Variants in DEAF1 observed in about 807,000 individuals in gnomAD.
DEAF1 encodes DEAF1 transcription factor, also known as deformed epidermal autoregulatory factor 1 homolog.
Under a neutral mutation model 58.9 loss-of-function variants are expected in DEAF1, and 53 were observed. That is an observed-to-expected ratio of 0.90 (90% confidence interval 0.72 to 1.13). The LOEUF is 1.13. Ranked by LOEUF, DEAF1 falls within the 50% of genes most tolerant of loss-of-function variation. The pLI, the probability that DEAF1 is intolerant of heterozygous loss-of-function variation, is 0.00. For missense variants in DEAF1, 685 were observed against 791.4 expected (o/e 0.87, Z 1.61); for synonymous variants, 385 against 340.4 (o/e 1.13, Z -1.44).
intron 1 of DEAF1, among the ~76,000 whole-genome samples, chr11:693,229 C>T (rs940031883): frequency 2.6e-5 from 4 of 152,200 alleles, no homozygotes; most frequent in African/African-American, 7.2e-5. Context: ...CAGAAAAATA[C>T]GTGCAAAAAT....
At chr11:698,801 G>C (rs1861313926), upstream of DEAF1, 1 of 1,585,734 alleles carries the variant, frequency 6.3e-7, no homozygotes, top group East Asian at 2.2e-5. Context: ...TCCTGTCAGT[G>C]TGGAGCGAGA....
At chr11:667,369 G>GAGGGAGGA (rs1859591063) in intron 10 of DEAF1, among the ~76,000 whole-genome samples, 1 of 123,886 alleles carries the variant, frequency 8.1e-6, no homozygotes, top group African/African-American at 3.4e-5. Flanking sequence ...GGGAGGGAGG[G>GAGGGAGGA]AGGAAGGAAG....
intron 10 of DEAF1, among the ~76,000 whole-genome samples, chr11:672,803 G>A (rs1168581219): frequency 6.6e-6 from 1 of 152,036 alleles, no homozygotes; most frequent in Non-Finnish European, 1.5e-5. Flanking sequence ...AGCTGAGATT[G>A]TGCCATTGCA....
chr11:704,456 T>G, intron 1 of DEAF1: 1 of 1,289,288 alleles, frequency 7.8e-7, no homozygotes, highest in Non-Finnish European at 1.0e-6. Flanking sequence ...CACGGTGAGC[T>G]GCAGGACAGC....
At chr11:664,274 GAA>G (rs949080794) in intron 10 of DEAF1, among the ~76,000 whole-genome samples, 2 of 143,064 alleles carry the variant, frequency 1.4e-5, no homozygotes, top group Admixed American at 7.0e-5. Flanking sequence ...CCAGAGAAAA[GAA>G]AAAAAAAAAG....
At position 683,298 on chromosome 11, in the gene DEAF1, T is replaced by C. The variant is rs115963424; in HGVS notation, c.870+1600A>G. ...CCAATGTGTTTTCTCCTAAAAATGT[T>C]ATAGTTTCACCTTTCACTTTAGATC... On this transcript the variant is annotated intron_variant, in intron 6 of 11. Transcript: ENST00000382409. Among the ~76,000 whole-genome samples the C allele has an allele frequency of 8.4e-3, 1,279 of 152,336 alleles. 16 individuals are homozygous for C. The highest frequency in any genetic ancestry group is 0.029 in the African/African-American group (1,214 of 41,570).
Position 688,037 on chromosome 11 carries a change from G to C in DEAF1, c.538C>G (p.Pro180Ala). The C allele has an allele frequency of 6.2e-7, 1 of 1,614,022 alleles. No homozygotes were observed. The highest frequency in any genetic ancestry group is 8.5e-7 in the Non-Finnish European group (1 of 1,180,024). The change falls in exon 4 of 12, where the codon CCT becomes GCT. Residue 180 changes from proline to alanine, a missense_variant. Physicochemically the swap from Pro to Ala is conservative, Grantham distance 27. Around this residue, in one of 3 missense-constraint regions of DEAF1, gnomAD observed 132 missense variants for 234.3 expected, o/e 0.56. Coordinates refer to ENST00000382409, the MANE Select transcript of DEAF1 (RefSeq NM_021008.4). The surrounding 1 kb of genome is among the most constrained non-coding windows in gnomAD (Gnocchi z 4.3). ...LTPGPQSPPT[P>A]LAPGQEKGGT... ...CCTTTTTCTTGGCCGGGAGCCAGAGGGGTTGGAGGAGACTGAGGACCTTGG... is the reference window on the plus strand; with the variant it reads ...CCTTTTTCTTGGCCGGGAGCCAGAGCGGTTGGAGGAGACTGAGGACCTTGG...
chr11:695,746 C>G (rs1440132386), upstream of DEAF1: 1 of 1,239,772 alleles, frequency 8.1e-7, no homozygotes, highest in South Asian at 3.7e-5. Flanking sequence ...CGTCAGGAGA[C>G]GCGAAAATGG....
chr11:648,320 G>A lies in DEAF1; in HGVS notation c.1594-3666C>T, dbSNP rs188121818. ...TGCCATTCTCCTGCCTCAGCCTCCC[G>A]AGTACCTGGGACTACAGGCGCCCAC... On this transcript the variant is annotated intron_variant, in intron 11 of 11. Coordinates refer to ENST00000382409, the MANE Select transcript of DEAF1 (RefSeq NM_021008.4). 6.0e-5 allele frequency among the ~76,000 whole-genome samples: 9 copies of A among 149,956 alleles called. No individual in the cohort carries two copies. The East Asian group carries it at 1.4e-3, about 23-fold the overall frequency.
At chr11:663,547 C>T (rs1462417941) in intron 10 of DEAF1, among the ~76,000 whole-genome samples, 1 of 152,128 alleles carries the variant, frequency 6.6e-6, no homozygotes, top group Non-Finnish European at 1.5e-5. Context: ...GGCTTTTGGC[C>T]TTTCCTCCTC....
intron 1 of DEAF1, among the ~76,000 whole-genome samples, chr11:705,767 C>T (rs998794594): frequency 2.6e-5 from 4 of 152,312 alleles, no homozygotes; most frequent in East Asian, 1.9e-4. Flanking sequence ...CTCTGACCTC[C>T]CCAGGGCTGG....
At chr11:683,526 CG>C (rs1860461690) in intron 6 of DEAF1, among the ~76,000 whole-genome samples, 1 of 151,454 alleles carries the variant, frequency 6.6e-6, no homozygotes, top group African/African-American at 2.4e-5. Flanking sequence ...CTTAAGACCC[CG>C]CAATGTGATT....
intron 10 of DEAF1, among the ~76,000 whole-genome samples, chr11:662,098 AC>A (rs992661866): frequency 4.6e-5 from 7 of 152,074 alleles, no homozygotes; most frequent in African/African-American, 1.4e-4. Flanking sequence ...GGAGTTCAAG[AC>A]CAGCCTGGCC....
chr11:687,107 G>A, intron 4 of DEAF1, 110 bp from the exon 5 acceptor site: 13 of 1,517,718 alleles, frequency 8.6e-6, no homozygotes, highest in Non-Finnish European at 1.2e-5. Flanking sequence ...CGCCCCAGCG[G>A]CTCATGTGAT....
chr11:693,885 CAGG>C (rs905833700), intron 1 of DEAF1, among the ~76,000 whole-genome samples: 3 of 152,216 alleles, frequency 2.0e-5, no homozygotes, highest in Non-Finnish European at 2.9e-5. Context: ...GGAAGCGGGG[CAGG>C]AGGAGCAGGT....
intron 1 of DEAF1, chr11:704,133 T>C: frequency 8.9e-7 from 1 of 1,127,536 alleles, no homozygotes; most frequent in South Asian, 2.1e-5. Context: ...CCCTGAATTC[T>C]CCTAATTATG....
chr11:699,269 C>CTGGA (rs1861337970), upstream of DEAF1: 3 of 271,462 alleles, frequency 1.1e-5, no homozygotes, highest in Non-Finnish European at 2.1e-5. Flanking sequence ...CTCACCCAGG[C>CTGGA]TGGAGTGTGG....
At chr11:682,421 T>C (rs189963107) in intron 6 of DEAF1, among the ~76,000 whole-genome samples, 1 of 152,242 alleles carries the variant, frequency 6.6e-6, no homozygotes, top group African/African-American at 2.4e-5. Context: ...CTTGCTCTAA[T>C]GGAACTGCTG....
chr11:655,364 T>C (rs182791129), intron 10 of DEAF1, among the ~76,000 whole-genome samples: 1 of 152,386 alleles, frequency 6.6e-6, no homozygotes. Context: ...GGAGCTTTTC[T>C]TTTTAATCAG....
Sources: allele counts gnomAD v4.1 joint callset (sites outside exome capture counted in the v4.1 genomes callset), GRCh38; gene constraint gnomAD v4.1.1; regional missense constraint gnomAD v4.1.1; non-coding constraint Gnocchi (gnomAD v3.1); transcripts MANE v1.5; gene names NCBI Gene and HGNC (gene_info 2026-07-23, HGNC 2026-07-21).